DMD: variants seen among roughly 807,000 people sequenced by gnomAD.
DMD encodes the protein dystrophin.
DMD carries 63 observed loss-of-function variants against 330.1 expected under a neutral mutation model. The observed-to-expected ratio is 0.19, with a 90% CI of 0.16 to 0.24. The LOEUF is 0.24. Among genes scored for constraint, DMD ranks in the 10% least tolerant of loss-of-function variants. The pLI is 1.00. For missense variants in DMD, 3,344 were observed against 2,684.1 expected (o/e 1.25, Z -5.43); for synonymous variants, 1,223 against 959.8 (o/e 1.27, Z -5.07).
chrX:31,951,750 T>A (rs2150104011), intron 45 of DMD, among the ~76,000 whole-genome samples: 1 of 111,391 alleles, frequency 9.0e-6, no homozygotes, highest in Admixed American at 9.5e-5. Flanking sequence ...AAAACATATA[T>A]CTATATTTGT....
intron 56 of DMD, among the ~76,000 whole-genome samples, chrX:31,498,747 G>T (rs2070114027): frequency 9.0e-6 from 1 of 111,617 alleles, no homozygotes; most frequent in Admixed American, 9.5e-5. Flanking sequence ...ATATGTCCAG[G>T]AAAAATGAAG....
At chrX:32,417,521 T>G (rs1258032325) in intron 29 of DMD, among the ~76,000 whole-genome samples, 4 of 110,600 alleles carry the variant, frequency 3.6e-5, no homozygotes, top group Non-Finnish European at 3.8e-5. Flanking sequence ...GCCTACTTGA[T>G]AGGTAAAAAA....
intron 52 of DMD, among the ~76,000 whole-genome samples, chrX:31,702,524 G>A (rs749351900): frequency 9.0e-6 from 1 of 111,714 alleles, no homozygotes; most frequent in African/African-American, 3.3e-5. Context: ...AAGATGCCGA[G>A]TCACTTCTCC....
At chrX:32,987,796 AGAT>A (rs761023671) in intron 2 of DMD, among the ~76,000 whole-genome samples, 19 of 110,393 alleles carry the variant, frequency 1.7e-4, no homozygotes, top group African/African-American at 4.9e-4. Context: ...CATTAAACTT[AGAT>A]GAATTATTTA....
At chrX:32,376,205 C>A (rs1282940906) in intron 34 of DMD, among the ~76,000 whole-genome samples, 8 of 111,521 alleles carry the variant, frequency 7.2e-5, no homozygotes, top group African/African-American at 2.6e-4. Flanking sequence ...TGCTTGAACC[C>A]AGGAGGTTGC....
At chrX:32,734,233 A>C (rs2068107816) in intron 7 of DMD, among the ~76,000 whole-genome samples, 1 of 105,371 alleles carries the variant, frequency 9.5e-6, no homozygotes, top group African/African-American at 3.7e-5. Context: ...GAATCTCTGA[A>C]TAGACCAATA....
intron 44 of DMD, among the ~76,000 whole-genome samples, chrX:32,156,914 G>A (rs918869247): frequency 9.0e-6 from 1 of 110,919 alleles, no homozygotes; most frequent in Admixed American, 9.6e-5. Context: ...ACATCCCAAG[G>A]TCGCCCAACA....
chrX:33,186,501 T>C (rs1569557838), intron 1 of DMD, among the ~76,000 whole-genome samples: 1 of 111,080 alleles, frequency 9.0e-6, no homozygotes, highest in Non-Finnish European at 1.9e-5. Context: ...TGGGAAAGGT[T>C]ACATTAGGTT....
chrX:31,561,744 G>A (rs969859332), intron 55 of DMD, among the ~76,000 whole-genome samples: 3 of 112,097 alleles, frequency 2.7e-5, no homozygotes, highest in Non-Finnish European at 3.8e-5. Flanking sequence ...ATGTTTCTTT[G>A]TAAAACACAA....
At chrX:32,041,973 C>T (rs1379774455) in intron 44 of DMD, among the ~76,000 whole-genome samples, 1 of 97,031 alleles carries the variant, frequency 1.0e-5, no homozygotes, top group African/African-American at 3.8e-5. Flanking sequence ...CTCTCTCTTT[C>T]TCCATGCTTC....
chrX:31,814,710 G>A (rs1159926359), intron 50 of DMD, among the ~76,000 whole-genome samples: 3 of 111,160 alleles, frequency 2.7e-5, no homozygotes, highest in Non-Finnish European at 5.7e-5. Flanking sequence ...AGCAGCTTGT[G>A]GATAAGAAAG....
At chrX:31,231,110 G>A (rs952602285) in intron 63 of DMD, among the ~76,000 whole-genome samples, 3 of 110,674 alleles carry the variant, frequency 2.7e-5, no homozygotes, top group African/African-American at 3.3e-5. Context: ...CTTCAAGAGC[G>A]GAAGGATCAG....
At chrX:31,159,551 T>C (rs1027849230) in intron 74 of DMD, among the ~76,000 whole-genome samples, 1 of 111,635 alleles carries the variant, frequency 9.0e-6, no homozygotes, top group African/African-American at 3.3e-5. Flanking sequence ...TCATGCCCAA[T>C]TACAATCAAG....
At chrX:32,900,234 T>C (rs2086116028) in intron 2 of DMD, among the ~76,000 whole-genome samples, 1 of 112,042 alleles carries the variant, frequency 8.9e-6, no homozygotes, top group Admixed American at 9.5e-5. Flanking sequence ...ATTGTGTTGG[T>C]ATGAATAGGA....
chrX:32,687,166 G>A (rs1304872603), intron 9 of DMD, among the ~76,000 whole-genome samples: 1 of 111,934 alleles, frequency 8.9e-6, no homozygotes, highest in Non-Finnish European at 1.9e-5. Flanking sequence ...TTCTTAATCA[G>A]GAGCCTGGAT....
chrX:31,392,757 T>C (rs1374216940), intron 60 of DMD, among the ~76,000 whole-genome samples: 1 of 112,301 alleles, frequency 8.9e-6, no homozygotes. Context: ...TATGGTTTAG[T>C]AATGTTTTCA....
intron 1 of DMD, among the ~76,000 whole-genome samples, chrX:33,322,638 T>C (rs927315870): frequency 2.7e-5 from 3 of 111,512 alleles, no homozygotes; most frequent in African/African-American, 9.8e-5. Flanking sequence ...ACTAAGTGAA[T>C]GATATTTGAA....
At chrX:32,991,639 C>CT (rs201662077) in intron 2 of DMD, among the ~76,000 whole-genome samples, 3,059 of 111,773 alleles carry the variant, frequency 0.027, 104 homozygotes, top group African/African-American at 0.092. Flanking sequence ...TACATGTATA[C>CT]TTTTTTTATT....
chrX:32,823,295 C>G lies in DMD; in HGVS notation c.357G>C (p.Gln119His). The G allele has an allele frequency of 8.3e-7, 1 of 1,199,882 alleles. No individual in the cohort carries two copies. Among genetic ancestry groups the G allele is most frequent in the Non-Finnish European group, 1.1e-6 (1 of 885,189 alleles). Residue 119 changes from glutamine to histidine, a missense_variant and splice_region_variant, in exon 5 of 79, where the codon CAG becomes CAC. Transcript: ENST00000357033. ...GGAAACCATTCATCAGGATTCTTACCTGCCAGTGGAGGATTATATTCCAAA... is the reference window on the plus strand; with the variant it reads ...GGAAACCATTCATCAGGATTCTTACGTGCCAGTGGAGGATTATATTCCAAA... ...GLIWNIILHW[Q>H]VKNVMKNIMA...
Sources: gnomAD v4.1 joint callset for allele counts (sites outside exome capture counted in the v4.1 genomes callset) on GRCh38, gnomAD v4.1.1 for gene constraint, MANE v1.5 for transcripts, NCBI Gene and HGNC (gene_info 2026-07-23, HGNC 2026-07-21) for gene names.